Variants in SLC15A1 observed in about 807,000 individuals in gnomAD.
SLC15A1 encodes the protein solute carrier family 15 member 1, also known as Caco-2 oligopeptide transporter.
SLC15A1 carries 83 observed loss-of-function variants against 92.9 expected under a neutral mutation model. The observed-to-expected ratio is 0.89, with a 90% CI of 0.75 to 1.07. SLC15A1 has a LOEUF of 1.07. Ranked by LOEUF, SLC15A1 falls within the 50% of genes least tolerant of loss-of-function variation. The pLI, the probability that SLC15A1 is intolerant of heterozygous loss-of-function variation, is 0.00. For synonymous variants in SLC15A1, 322 were observed against 318.2 expected, an observed-to-expected ratio of 1.01 and a Z score of -0.13; for missense variants, 857 against 880.1, an observed-to-expected ratio of 0.97 and a Z score of 0.33.
chr13:98,729,206 G>A (rs368382964), intron 1 of SLC15A1, among the ~76,000 whole-genome samples: 8 of 151,566 alleles, frequency 5.3e-5, no homozygotes, highest in African/African-American at 1.9e-4. Flanking sequence ...TTAATATTGT[G>A]TACCTCTATT....
intron 18 of SLC15A1, among the ~76,000 whole-genome samples, chr13:98,693,575 T>C (rs1195960951): frequency 1.3e-5 from 2 of 152,234 alleles, no homozygotes; most frequent in East Asian, 3.8e-4. Flanking sequence ...GTTGTCTTTT[T>C]AGTACTGAGT....
chr13:98,747,592 A>G (rs984149503), intron 1 of SLC15A1, among the ~76,000 whole-genome samples: 10 of 152,168 alleles, frequency 6.6e-5, no homozygotes, highest in African/African-American at 2.4e-4. Flanking sequence ...ATTAATCAAA[A>G]AAACCCAGCC....
chr13:98,739,654 A>G (rs1378383252), intron 1 of SLC15A1, among the ~76,000 whole-genome samples: 1 of 152,150 alleles, frequency 6.6e-6, no homozygotes. Flanking sequence ...AGAAGTGAGC[A>G]GATGCCAGCA....
intron 7 of SLC15A1, 173 bp downstream of exon 7, chr13:98,721,322 G>A (rs572283955): frequency 1.4e-6 from 1 of 710,518 alleles, no homozygotes; most frequent in African/African-American, 1.7e-5. Context: ...AGACAAAAAG[G>A]AGGTGAAACT....
At chr13:98,730,781 C>A (rs1248801284) in intron 1 of SLC15A1, among the ~76,000 whole-genome samples, 2 of 152,224 alleles carry the variant, frequency 1.3e-5, no homozygotes, top group African/African-American at 4.8e-5. Flanking sequence ...AGTCACAGAG[C>A]ACAGTGCTCA....
intron 3 of SLC15A1, 43 bp from the exon 4 acceptor site, chr13:98,726,307 A>G (rs2088299775): frequency 1.2e-6 from 2 of 1,613,236 alleles, no homozygotes; most frequent in African/African-American, 1.3e-5. Flanking sequence ...AAACAAAGTT[A>G]GGACTGGTTA....
At chr13:98,718,139 A>G (rs1942256912) in intron 8 of SLC15A1, among the ~76,000 whole-genome samples, 1 of 151,786 alleles carries the variant, frequency 6.6e-6, no homozygotes, top group Non-Finnish European at 1.5e-5. Flanking sequence ...TTTGGCACCA[A>G]CCTAATCAAT....
chr13:98,702,450 A>T (rs1409837235), intron 18 of SLC15A1, 30 bp downstream of exon 18: 4 of 1,518,540 alleles, frequency 2.6e-6, no homozygotes, highest in Non-Finnish European at 2.7e-6. Flanking sequence ...AGAATCTGAT[A>T]AAACTTAAAT....
intron 18 of SLC15A1, among the ~76,000 whole-genome samples, chr13:98,700,985 T>A (rs1292113361): frequency 1.3e-5 from 2 of 152,226 alleles, no homozygotes; most frequent in Non-Finnish European, 2.9e-5. Context: ...AACTTAATTC[T>A]TTTTCAAAAT....
intron 17 of SLC15A1, among the ~76,000 whole-genome samples, chr13:98,703,850 T>TA (rs923763590): frequency 2.0e-5 from 3 of 152,144 alleles, no homozygotes; most frequent in Non-Finnish European, 4.4e-5. Flanking sequence ...ATGCATAGTA[T>TA]TTTATTGCTT....
At chr13:98,706,089 AG>A in intron 16 of SLC15A1, 44 bp downstream of exon 16, 1 of 1,582,048 alleles carries the variant, frequency 6.3e-7, no homozygotes, top group Non-Finnish European at 8.5e-7. Context: ...CTATTATAAC[AG>A]GGTCAGAAGA....
In SLC15A1 at chr13:98,732,407, A is replaced by G. The variant is rs549067706; in HGVS notation, c.5-5548T>C. On this transcript the variant is annotated intron_variant, in intron 1 of 22. Transcript: ENST00000376503. Reference sequence around the variant, plus strand: ...AGTGGTTTTGCTTTCTTTTTGCTAAATAATTTGATGAAATAAGTGTATATT... The same window carrying G: ...AGTGGTTTTGCTTTCTTTTTGCTAAGTAATTTGATGAAATAAGTGTATATT... Among the ~76,000 whole-genome samples, 13 of 152,246 alleles carry G rather than the reference A, an allele frequency of 8.5e-5. 1 individual carries two copies. In the East Asian group the frequency reaches 1.7e-3, roughly 20 times the overall value.
Position 98,708,523 on chromosome 13 carries a change from C to A in SLC15A1, c.1149+163G>T, listed in dbSNP as rs2088133420. Among the ~76,000 whole-genome samples the A allele has an allele frequency of 2.0e-5, 3 of 152,094 alleles. No homozygotes were observed. In the East Asian group the frequency reaches 5.8e-4, roughly 29 times the overall value. On this transcript the variant is annotated intron_variant, in intron 15 of 22. Transcript: ENST00000376503. The stretch of plus-strand genomic sequence containing the variant: ...CCCCTGCTGAAGCCCACCCACTGTA[C>A]CCTCACACCCATGGTGCCTCCCACT...
At chr13:98,747,752 G>A (rs777680224) in intron 1 of SLC15A1, among the ~76,000 whole-genome samples, 19 of 152,074 alleles carry the variant, frequency 1.2e-4, no homozygotes, top group Non-Finnish European at 2.4e-4. Flanking sequence ...GTGATGGTGC[G>A]CACCTGTGAT....
At chr13:98,745,724 G>A (rs57580006) in intron 1 of SLC15A1, among the ~76,000 whole-genome samples, 4,528 of 152,282 alleles carry the variant, frequency 0.03, 121 homozygotes, top group African/African-American at 0.075. Context: ...TGGGCTCCCA[G>A]CCTCCAGGAC....
chr13:98,710,645 G>A (rs188526003), intron 11 of SLC15A1, among the ~76,000 whole-genome samples: 125 of 151,642 alleles, frequency 8.2e-4, no homozygotes, highest in African/African-American at 2.8e-3. Flanking sequence ...GCAGAACCCC[G>A]TCTCTACTAA....
chr13:98,722,972 C>T (rs536279245), intron 5 of SLC15A1, among the ~76,000 whole-genome samples: 8 of 152,294 alleles, frequency 5.3e-5, no homozygotes, highest in East Asian at 1.9e-4. Context: ...CAGTCCTACA[C>T]GAAGTAGGTA....
chr13:98,689,871 G>A (rs2087961084), intron 18 of SLC15A1, among the ~76,000 whole-genome samples: 2 of 152,148 alleles, frequency 1.3e-5, no homozygotes, highest in South Asian at 4.1e-4. Flanking sequence ...CGACTTCCAG[G>A]TCCAAGGCTT....
intron 11 of SLC15A1, 29 bp downstream of exon 11, chr13:98,711,825 A>C (rs775523454): frequency 1.3e-6 from 2 of 1,544,240 alleles, no homozygotes; most frequent in African/African-American, 2.7e-5. Context: ...TGCTCCGTGA[A>C]GAAGAGCACA....
Sources: gnomAD v4.1 joint callset for allele counts (sites outside exome capture counted in the v4.1 genomes callset) on GRCh38, gnomAD v4.1.1 for gene constraint, MANE v1.5 for transcripts, NCBI Gene and HGNC (gene_info 2026-07-23, HGNC 2026-07-21) for gene names.